The following KLF3 variants were observed in gnomAD, a reference collection of about 807,000 sequenced individuals.
The protein encoded by KLF3 is Krueppel-like factor 3.
Under a neutral mutation model 32.7 loss-of-function variants are expected in KLF3, and 6 were observed. That is an observed-to-expected ratio of 0.18 (90% CI 0.10 to 0.36). KLF3 has a LOEUF of 0.36. KLF3 is among the 10% of genes least tolerant of loss of function. The pLI, the probability that KLF3 is intolerant of heterozygous loss-of-function variation, is 1.00. For synonymous variants in KLF3, 145 were observed against 172.8 expected (o/e 0.84, Z 1.26); for missense variants, 338 against 449.7 (o/e 0.75, Z 2.25).
In KLF3 at chr4:38,674,434, CT is replaced by C. The variant is rs11455486; in HGVS notation, c.-39-6141del. 9.4e-4 allele frequency among the ~76,000 whole-genome samples: 137 copies of C among 146,516 alleles called. No individual in the cohort carries two copies. The highest frequency in any genetic ancestry group is 4.9e-3 in the South Asian group (23 of 4,670). ...TTACACACACACATGCACACACCGC[CT>C]TTTTTTTTTTTCTTTTTTTGCCTTA... On this transcript the variant is annotated intron_variant, in intron 1 of 5. Coordinates refer to ENST00000261438, the MANE Select transcript of KLF3 (RefSeq NM_016531.6). This position sits in a 1 kb window ranked among gnomAD's most constrained non-coding sequence, Gnocchi z 4.1.
At chr4:38,676,952 G>A (rs1471907822) in intron 1 of KLF3, among the ~76,000 whole-genome samples, 2 of 125,518 alleles carry the variant, frequency 1.6e-5, no homozygotes, top group South Asian at 6.5e-4. Flanking sequence ...GTTAGTGCCA[G>A]TGTGTTTTTT....
intron 1 of KLF3, among the ~76,000 whole-genome samples, chr4:38,678,945 T>C (rs1722437766): frequency 1.3e-5 from 2 of 152,216 alleles, no homozygotes; most frequent in Admixed American, 1.3e-4. Flanking sequence ...CAGGACAGTG[T>C]TTCTGTAACT....
chr4:38,673,738 T>C (rs190629775), intron 1 of KLF3, among the ~76,000 whole-genome samples: 1 of 152,194 alleles, frequency 6.6e-6, no homozygotes, highest in East Asian at 1.9e-4. Flanking sequence ...TTCTGCTTGG[T>C]TGTTACCTTT....
chr4:38,665,921 A>G (rs545474647), intron 1 of KLF3, among the ~76,000 whole-genome samples: 6 of 152,298 alleles, frequency 3.9e-5, no homozygotes, highest in East Asian at 1.9e-4. Context: ...AATATCTACA[A>G]ATTTTTTGGA....
intron 2 of KLF3, among the ~76,000 whole-genome samples, chr4:38,681,497 A>G (rs1722524381): frequency 6.6e-6 from 1 of 152,160 alleles, no homozygotes; most frequent in Admixed American, 6.5e-5. Flanking sequence ...CCTTAGCGCT[A>G]AGCCAGCCCC....
Position 38,697,297 on chromosome 4 carries a change from A to T in KLF3, c.*34A>T. 1.3e-6 allele frequency: 2 copies of T among 1,545,430 alleles called. No individual in the cohort carries two copies. Among genetic ancestry groups the T allele is most frequent in the Admixed American group, 1.9e-5 (1 of 51,682 alleles). On this transcript the variant is annotated 3_prime_UTR_variant, in exon 6 of 6. Coordinates refer to ENST00000261438, the MANE Select transcript of KLF3 (RefSeq NM_016531.6). ...GTGTCCTGCCTCAGCGTGACTCCCCACTCACCTGGCTCTCTCTCTGTCCTG... is the reference window on the plus strand; with the variant it reads ...GTGTCCTGCCTCAGCGTGACTCCCCTCTCACCTGGCTCTCTCTCTGTCCTG...
At chr4:38,669,288 C>G (rs1459707325) in intron 1 of KLF3, among the ~76,000 whole-genome samples, 3 of 152,046 alleles carry the variant, frequency 2.0e-5, no homozygotes, top group Non-Finnish European at 4.4e-5. Context: ...ATGTGATATT[C>G]TAGTCAGAAT....
intron 1 of KLF3, among the ~76,000 whole-genome samples, chr4:38,678,222 G>A (rs1243987529): frequency 1.3e-5 from 2 of 152,076 alleles, no homozygotes; most frequent in African/African-American, 4.8e-5. Context: ...TAAATGATCT[G>A]ACCTCATTGA....
Position 38,698,027 on chromosome 4 carries a change from G to A in KLF3, c.*764G>A, listed in dbSNP as rs190863820. The A allele has an allele frequency of 1.3e-5, 2 of 152,222 alleles. No individual in the cohort carries two copies. The highest frequency in any genetic ancestry group is 4.8e-5 in the African/African-American group (2 of 41,444). The allele number at this position is 152,222 out of a possible 1,614,324, so 9.4% of individuals were successfully genotyped here. ...GAAGAGGCAATTCCTCCTGGGCTAG[G>A]GGTTGTCAGTGAGGTTTCAACATTT... On this transcript the variant is annotated 3_prime_UTR_variant, in exon 6 of 6. Coordinates refer to ENST00000261438, the MANE Select transcript of KLF3 (RefSeq NM_016531.6).
intron 1 of KLF3, among the ~76,000 whole-genome samples, chr4:38,678,901 G>A (rs139820481): frequency 8.5e-5 from 13 of 152,314 alleles, no homozygotes; most frequent in African/African-American, 3.1e-4. Flanking sequence ...GCTAATGAGT[G>A]CCTGAAGTCG....
At chr4:38,691,050 A>G (rs970128989) in intron 4 of KLF3, among the ~76,000 whole-genome samples, 1 of 152,180 alleles carries the variant, frequency 6.6e-6, no homozygotes, top group Non-Finnish European at 1.5e-5. Context: ...TGATGGAGTT[A>G]TATTTCATTA....
In KLF3 at chr4:38,697,374, T is replaced by C; in HGVS notation, c.*111T>C. The C allele has an allele frequency of 9.7e-7, 1 of 1,031,344 alleles. No individual in the cohort carries two copies. The highest frequency in any genetic ancestry group is 1.8e-5 in the South Asian group (1 of 56,024). 63.9% of individuals were successfully genotyped at this position (1,031,344 alleles called of 1,614,324 possible). On this transcript the variant is annotated 3_prime_UTR_variant, in exon 6 of 6. Coordinates refer to ENST00000261438, the MANE Select transcript of KLF3 (RefSeq NM_016531.6). ...CATGTACATTTTAATTTGATTCAGC[T>C]GGTCTGAATCTCTGAATTTATATCA...
chr4:38,681,210 TC>T (rs1176926516), intron 2 of KLF3, among the ~76,000 whole-genome samples: 5 of 152,164 alleles, frequency 3.3e-5, no homozygotes, highest in African/African-American at 1.2e-4. Flanking sequence ...GTGCCCGGTG[TC>T]CCCCTAAGAT....
At chr4:38,686,866 C>G (rs1307512115) in intron 2 of KLF3, among the ~76,000 whole-genome samples, 2 of 152,242 alleles carry the variant, frequency 1.3e-5, no homozygotes, top group African/African-American at 4.8e-5. Flanking sequence ...GGCTGCTCTG[C>G]AGGCCTGGAG....
intron 1 of KLF3, among the ~76,000 whole-genome samples, chr4:38,665,980 T>G (rs1433169322): frequency 6.6e-6 from 1 of 152,204 alleles, no homozygotes; most frequent in Non-Finnish European, 1.5e-5. Flanking sequence ...TTCTTCTGGT[T>G]TGAAAAGAGG....
rs1050606949 is a variant in KLF3 at position 38,699,191 on chromosome 4, ACTT to A, written c.*1932_*1934del. 6.6e-6 allele frequency: 1 copy of A among 152,118 alleles called. No individual in the cohort carries two copies. Among genetic ancestry groups the A allele is most frequent in the Admixed American group, 6.5e-5 (1 of 15,278 alleles). The allele number at this position is 152,118 out of a possible 1,614,324, so 9.4% of individuals were successfully genotyped here. On this transcript the variant is annotated 3_prime_UTR_variant, in exon 6 of 6. Transcript: ENST00000261438. The stretch of plus-strand genomic sequence containing the variant: ...TTTCCTTTTTTTAAAGCACTGCAAA[ACTT>A]CTTTAGGATACTAAAACATCCTAAT...
chr4:38,693,837 T>C (rs1722960392), intron 4 of KLF3, among the ~76,000 whole-genome samples: 1 of 152,152 alleles, frequency 6.6e-6, no homozygotes, highest in Non-Finnish European at 1.5e-5. Context: ...TCCCAGCTCT[T>C]CCTCCATCTC....
intron 5 of KLF3, among the ~76,000 whole-genome samples, chr4:38,695,558 A>G (rs1723024518): frequency 6.6e-6 from 1 of 152,216 alleles, no homozygotes; most frequent in Admixed American, 6.5e-5. Flanking sequence ...GTAGTAAAAC[A>G]TCTTAAGGAA....
chr4:38,685,478 G>A (rs567935080), intron 2 of KLF3, among the ~76,000 whole-genome samples: 1 of 152,230 alleles, frequency 6.6e-6, no homozygotes, highest in Admixed American at 6.5e-5. Context: ...CTTTATGTGT[G>A]GCTTTTTCTG....
Sources: allele counts gnomAD v4.1 joint callset (sites outside exome capture counted in the v4.1 genomes callset), GRCh38; gene constraint gnomAD v4.1.1; non-coding constraint Gnocchi (gnomAD v3.1); transcripts MANE v1.5; gene names NCBI Gene and HGNC (gene_info 2026-07-23, HGNC 2026-07-21).